Variants in MYO9A observed in about 807,000 individuals in gnomAD.
The protein encoded by MYO9A is myosin IXA, also known as unconventional myosin-IXa.
A neutral mutation model predicts 293.3 loss-of-function variants in MYO9A; 103 were observed. The ratio of observed to expected loss-of-function variants is 0.35; its 90% CI spans 0.30 to 0.41. The LOEUF is 0.41. Among genes scored for constraint, MYO9A ranks in the 10% least tolerant of loss-of-function variants. The pLI is 1.00. For synonymous variants in MYO9A, 1,001 were observed against 1,035.7 expected (o/e 0.97, Z 0.64); for missense variants, 2,685 against 3,033.0 (o/e 0.89, Z 2.69).
intron 41 of MYO9A, among the ~76,000 whole-genome samples, chr15:71,827,342 G>C (rs1567172861): frequency 6.6e-6 from 1 of 152,160 alleles, no homozygotes; most frequent in African/African-American, 2.4e-5. Context: ...ATCTCCCTGA[G>C]ACATGCCACC....
At chr15:72,032,174 G>C (rs2077892792) in intron 3 of MYO9A, among the ~76,000 whole-genome samples, 1 of 152,190 alleles carries the variant, frequency 6.6e-6, no homozygotes, top group South Asian at 2.1e-4. Context: ...GCCTCCCAAA[G>C]TGCTAGGATT....
chr15:71,854,499 A>G lies in MYO9A; in HGVS notation c.6224T>C (p.Val2075Ala). ...TATGAGCTTTTCCACTACTAAAGGA[A>G]CAGTTCGGTCTTCACTGGTCAAACG... ...LSRLTSEDRT[V>A]PLVVEKLINY... Residue 2075 changes from valine (V) to alanine (A), a missense_variant, in exon 35 of 42, where the codon GTT (valine) becomes GCT (alanine). By Grantham distance (64) the Val-to-Ala change is moderately conservative. Around this residue, in one of 10 missense-constraint regions of MYO9A, gnomAD observed 238 missense variants for 269.1 expected, o/e 0.88. Coordinates refer to ENST00000356056, the MANE Select transcript of MYO9A (RefSeq NM_006901.4). 6.2e-7 allele frequency: 1 copy of G among 1,613,764 alleles called. No homozygotes were observed. The highest frequency in any genetic ancestry group is 2.2e-5 in the East Asian group (1 of 44,872).
intron 19 of MYO9A, among the ~76,000 whole-genome samples, chr15:71,909,609 C>G (rs1469901294): frequency 6.6e-6 from 1 of 152,104 alleles, no homozygotes; most frequent in Non-Finnish European, 1.5e-5. Context: ...ATTAATTTAT[C>G]TACTTTTCAA....
intron 1 of MYO9A, among the ~76,000 whole-genome samples, chr15:72,051,038 TTTG>T (rs1414996002): frequency 2.7e-4 from 41 of 152,276 alleles, no homozygotes; most frequent in Non-Finnish European, 5.3e-4. Flanking sequence ...CTCACTTTAT[TTTG>T]TTGTTGTTTT....
At chr15:72,080,830 CAT>C (rs1226093181) in intron 1 of MYO9A, among the ~76,000 whole-genome samples, 1 of 151,964 alleles carries the variant, frequency 6.6e-6, no homozygotes, top group East Asian at 1.9e-4. Context: ...TTTCTGTTCC[CAT>C]ATTAGTTTAC....
rs1214973149 is a variant in MYO9A, at chr15:71,880,524, G to A, written c.5433C>T (p.Ser1811=). ...LAAYHPTPPL[S]PELPGSCRKE... is the part of the protein sequence containing the mutation. ...TCCGGCAACTGCCGGGCAGTTCTGGGCTCAAAGGAGGTGTTGGGTGATATG... is the reference window on the plus strand; with the variant it reads ...TCCGGCAACTGCCGGGCAGTTCTGGACTCAAAGGAGGTGTTGGGTGATATG... Residue 1811 remains serine (S), a synonymous_variant, in exon 29 of 42, where the codon AGC becomes AGT. Transcript: ENST00000356056. 6.2e-7 allele frequency: 1 copy of A among 1,614,014 alleles called. No individual in the cohort carries two copies. Among genetic ancestry groups the A allele is most frequent in the Non-Finnish European group, 8.5e-7 (1 of 1,179,978 alleles).
intron 39 of MYO9A, among the ~76,000 whole-genome samples, chr15:71,842,915 ATG>A (rs55982936): frequency 2.0e-5 from 3 of 148,966 alleles, no homozygotes; most frequent in Non-Finnish European, 3.0e-5. Flanking sequence ...TTGTGTATGC[ATG>A]TGTGTGTGTG....
rs1383887712 is a variant in MYO9A, at chr15:71,852,183, G to A, written c.6424C>T (p.Pro2142Ser). The A allele has an allele frequency of 6.2e-7, 1 of 1,613,636 alleles. No individual in the cohort carries two copies. The highest frequency in any genetic ancestry group is 1.7e-5 in the Admixed American group (1 of 60,008). Residue 2142 changes from proline (P) to serine (S), a missense_variant, in exon 36 of 42, where the codon CCC becomes TCC. Around this residue, in one of 10 missense-constraint regions of MYO9A, gnomAD observed 238 missense variants for 269.1 expected, o/e 0.88. Coordinates refer to ENST00000356056, the MANE Select transcript of MYO9A (RefSeq NM_006901.4). ...SVFKQWLRDL[P>S]NPLMTFELYE... The stretch of plus-strand genomic sequence containing the variant: ...AGTTCAAAGGTCATGAGAGGATTGG[G>A]CAAATCTCGAAGCCATTGTTTGAAT...
intron 8 of MYO9A, among the ~76,000 whole-genome samples, chr15:72,007,610 A>T (rs978291024): frequency 2.0e-5 from 3 of 152,170 alleles, no homozygotes; most frequent in African/African-American, 7.2e-5. Flanking sequence ...GGCAGAGGAG[A>T]AAACACAAAT....
chr15:72,029,877 A>G (rs1435267401), intron 3 of MYO9A, among the ~76,000 whole-genome samples: 1 of 152,202 alleles, frequency 6.6e-6, no homozygotes, highest in Admixed American at 6.5e-5. Flanking sequence ...AACCTCTTAG[A>G]GGCCAGAATC....
At chr15:71,993,527 C>G (rs1405046512) in intron 10 of MYO9A, among the ~76,000 whole-genome samples, 1 of 151,970 alleles carries the variant, frequency 6.6e-6, no homozygotes, top group Non-Finnish European at 1.5e-5. Context: ...TAAAATGAAA[C>G]CATTCCCCTT....
intron 1 of MYO9A, among the ~76,000 whole-genome samples, chr15:72,111,307 T>C (rs1161402659): frequency 6.6e-6 from 1 of 150,998 alleles, no homozygotes; most frequent in African/African-American, 2.4e-5. Flanking sequence ...TTGGTCAATA[T>C]GGTGAAATCC....
intron 10 of MYO9A, among the ~76,000 whole-genome samples, chr15:71,991,804 AGTACAGTG>A (rs2076549520): frequency 6.6e-6 from 1 of 152,218 alleles, no homozygotes; most frequent in South Asian, 2.1e-4. Context: ...CCCAGGCTGG[AGTACAGTG>A]ACGTGATCTC....
At chr15:71,975,968 C>T (rs1042682094) in intron 12 of MYO9A, among the ~76,000 whole-genome samples, 2 of 152,166 alleles carry the variant, frequency 1.3e-5, no homozygotes, top group African/African-American at 2.4e-5. Context: ...CCTCGTCCTA[C>T]GCAGCTCCTC....
intron 14 of MYO9A, among the ~76,000 whole-genome samples, chr15:71,953,936 G>T (rs1023293155): frequency 6.6e-6 from 1 of 151,522 alleles, no homozygotes; most frequent in African/African-American, 2.4e-5. Flanking sequence ...TCACTCTGTC[G>T]CCAGGCTGGA....
chr15:72,062,202 C>T (rs1156809289), intron 1 of MYO9A, among the ~76,000 whole-genome samples: 1 of 152,182 alleles, frequency 6.6e-6, no homozygotes, highest in Non-Finnish European at 1.5e-5. Flanking sequence ...ACTCAATCCA[C>T]TTTGAATACT....
intron 2 of MYO9A, among the ~76,000 whole-genome samples, chr15:72,039,162 T>C (rs1566972934): frequency 1.3e-5 from 2 of 152,102 alleles, no homozygotes; most frequent in Non-Finnish European, 2.9e-5. Context: ...CAAATCTTTA[T>C]TGAGAATTGG....
At chr15:71,920,057 T>C (rs916679184) in intron 18 of MYO9A, among the ~76,000 whole-genome samples, 3 of 152,008 alleles carry the variant, frequency 2.0e-5, no homozygotes, top group Admixed American at 6.6e-5. Context: ...AATTCAATCA[T>C]GCATAAGGTT....
intron 1 of MYO9A, among the ~76,000 whole-genome samples, chr15:72,091,892 T>G (rs2150623919): frequency 6.6e-6 from 1 of 152,030 alleles, no homozygotes; most frequent in East Asian, 1.9e-4. Context: ...TTTTTTGTAT[T>G]TTTTTAGTAG....
Sources: gnomAD v4.1 joint callset for allele counts (sites outside exome capture counted in the v4.1 genomes callset) on GRCh38, gnomAD v4.1.1 for gene constraint, gnomAD v4.1.1 regional missense constraint, MANE v1.5 for transcripts, NCBI Gene and HGNC (gene_info 2026-07-23, HGNC 2026-07-21) for gene names.